LYPLAL1: variants seen among roughly 807,000 people sequenced by gnomAD.
LYPLAL1 encodes the protein lysophospholipase like 1.
A neutral mutation model predicts 19.7 loss-of-function variants in LYPLAL1; 23 were observed. The observed-to-expected ratio is 1.17, with a 90% CI of 0.84 to 1.65. LYPLAL1 has a LOEUF of 1.65. Ranked by LOEUF, LYPLAL1 falls within the 40% of genes most tolerant of loss-of-function variation. The pLI, the probability that LYPLAL1 is intolerant of heterozygous loss-of-function variation, is 0.00. For synonymous variants in LYPLAL1, 119 were observed against 96.3 expected, an observed-to-expected ratio of 1.24 and a Z score of -1.38; for missense variants, 355 against 279.4, an observed-to-expected ratio of 1.27 and a Z score of -1.93.
chr1:219,210,965 G>C (rs1658988178), intron 4 of LYPLAL1, among the ~76,000 whole-genome samples: 1 of 152,080 alleles, frequency 6.6e-6, no homozygotes, highest in South Asian at 2.1e-4. Context: ...TTATAGCTGG[G>C]TTTGCTTATT....
At chr1:219,431,846 G>T in the LYPLAL1 span, among the ~76,000 whole-genome samples, 1 of 152,148 alleles carries the variant, frequency 6.6e-6, no homozygotes, top group Admixed American at 6.5e-5. Context: ...CCTTGCTCCA[G>T]CAGTTGCCAA....
chr1:219,363,343 A>G, the LYPLAL1 span, among the ~76,000 whole-genome samples: 1 of 152,164 alleles, frequency 6.6e-6, no homozygotes, highest in Non-Finnish European at 1.5e-5. Flanking sequence ...TGAAGAGTTA[A>G]TACCAAACAC....
downstream of LYPLAL1, among the ~76,000 whole-genome samples, chr1:219,213,748 G>T (rs1207267383): frequency 6.6e-6 from 1 of 151,958 alleles, no homozygotes; most frequent in African/African-American, 2.4e-5. Flanking sequence ...TTATATGTTG[G>T]TCTTGATCTT....
chr1:219,184,200 T>G (rs1009811496), intron 2 of LYPLAL1, among the ~76,000 whole-genome samples: 25 of 151,886 alleles, frequency 1.6e-4, no homozygotes, highest in Non-Finnish European at 5.9e-5. Context: ...ACTTAGGTCT[T>G]TATTAATTTC....
At chr1:219,389,359 GA>G in the LYPLAL1 span, among the ~76,000 whole-genome samples, 1 of 152,152 alleles carries the variant, frequency 6.6e-6, no homozygotes, top group African/African-American at 2.4e-5. Context: ...AAATGGCCAG[GA>G]AAAGCATCTT....
At chr1:219,215,565 T>C (rs1659263093), downstream of LYPLAL1, among the ~76,000 whole-genome samples, 1 of 152,112 alleles carries the variant, frequency 6.6e-6, no homozygotes, top group Admixed American at 6.6e-5. Flanking sequence ...AGATAGACCA[T>C]CTCTAGATCT....
chr1:219,422,766 T>G, the LYPLAL1 span, among the ~76,000 whole-genome samples: 1 of 152,258 alleles, frequency 6.6e-6, no homozygotes, highest in East Asian at 1.9e-4. Context: ...TTTAACTATC[T>G]GTGTGTGTGA....
chr1:219,319,125 C>A, the LYPLAL1 span, among the ~76,000 whole-genome samples: 1 of 152,052 alleles, frequency 6.6e-6, no homozygotes, highest in Non-Finnish European at 1.5e-5. Flanking sequence ...AACTAAAAAG[C>A]AAACAGTAAC....
At chr1:219,213,067 C>CCATT (rs950918004), downstream of LYPLAL1, among the ~76,000 whole-genome samples, 12 of 151,998 alleles carry the variant, frequency 7.9e-5, no homozygotes, top group Admixed American at 5.2e-4. Flanking sequence ...ACTCCTTTAT[C>CCATT]CATTCAGTAA....
In LYPLAL1 at chr1:219,195,333, TG is replaced by T. The variant is rs879863883; in HGVS notation, c.361+2083del. ...GGGGTAAGTAAAAGGATGAGAAGTC[TG>T]ACATGGAGAAACCAGTATAATATAA... On this transcript the variant is annotated intron_variant, in intron 3 of 4. Transcript: ENST00000366928. Among the ~76,000 whole-genome samples the T allele has an allele frequency of 6.8e-3, 1,039 of 152,218 alleles. 3 individuals are homozygous for T. Among genetic ancestry groups the T allele is most frequent in the Non-Finnish European group, 0.01 (688 of 67,994 alleles).
At chr1:219,208,024 G>A (rs1658710217) in intron 3 of LYPLAL1, among the ~76,000 whole-genome samples, 10 of 151,956 alleles carry the variant, frequency 6.6e-5, no homozygotes, top group Admixed American at 6.6e-4. Context: ...CTATTTTAGA[G>A]ATGTAGTTTT....
the LYPLAL1 span, among the ~76,000 whole-genome samples, chr1:219,375,490 TAAAAAA>T: frequency 5.3e-5 from 2 of 37,464 alleles, no homozygotes; most frequent in African/African-American, 1.0e-4. Flanking sequence ...AAACTCCTTC[TAAAAAA>T]AAAAAAAAAA....
At chr1:219,309,495 T>C in the LYPLAL1 span, among the ~76,000 whole-genome samples, 1 of 152,130 alleles carries the variant, frequency 6.6e-6, no homozygotes, top group Non-Finnish European at 1.5e-5. Flanking sequence ...CCCACCCATA[T>C]CTCATCTTGA....
chr1:219,241,302 CTA>C, the LYPLAL1 span, among the ~76,000 whole-genome samples: 1 of 151,132 alleles, frequency 6.6e-6, no homozygotes, highest in Non-Finnish European at 1.5e-5. Context: ...CTACATAAGA[CTA>C]TGACGTGAGC....
At chr1:219,417,811 A>G in the LYPLAL1 span, among the ~76,000 whole-genome samples, 2 of 152,256 alleles carry the variant, frequency 1.3e-5, no homozygotes, top group African/African-American at 4.8e-5. Flanking sequence ...GCAGCCTTCC[A>G]AGGCATGTCG....
At chr1:219,233,395 A>G in the LYPLAL1 span, among the ~76,000 whole-genome samples, 2,676 of 152,342 alleles carry the variant, frequency 0.018, 42 homozygotes, top group Non-Finnish European at 0.028. Flanking sequence ...GTTTTGCAGT[A>G]TGAAAAGCTC....
chr1:219,333,056 T>G, the LYPLAL1 span, among the ~76,000 whole-genome samples: 1 of 152,070 alleles, frequency 6.6e-6, no homozygotes, highest in Non-Finnish European at 1.5e-5. Flanking sequence ...TAGCAATGAC[T>G]GGTCATGTCC....
the LYPLAL1 span, among the ~76,000 whole-genome samples, chr1:219,280,715 T>C: frequency 6.6e-6 from 1 of 152,150 alleles, no homozygotes; most frequent in Admixed American, 6.5e-5. Flanking sequence ...CCATCAGCTC[T>C]TTTTAGGACC....
chr1:219,376,316 T>C, the LYPLAL1 span, among the ~76,000 whole-genome samples: 2 of 152,130 alleles, frequency 1.3e-5, no homozygotes, highest in African/African-American at 4.8e-5. Flanking sequence ...TTATCTTACA[T>C]CATACACAAA....
Sources: gnomAD v4.1 joint callset for allele counts (sites outside exome capture counted in the v4.1 genomes callset) on GRCh38, gnomAD v4.1.1 for gene constraint, MANE v1.5 for transcripts, NCBI Gene and HGNC (gene_info 2026-07-23, HGNC 2026-07-21) for gene names.